The following PCDH9 variants were observed in gnomAD, a reference collection of about 807,000 sequenced individuals.
PCDH9 encodes the protein protocadherin 9, also known as protocadherin-9.
PCDH9 carries 24 observed loss-of-function variants against 70.6 expected under a neutral mutation model. The ratio of observed to expected loss-of-function variants is 0.34; its 90% CI spans 0.25 to 0.48. PCDH9 has a LOEUF of 0.48. Among genes scored for constraint, PCDH9 ranks in the 20% least tolerant of loss-of-function variants. The probability of loss-of-function intolerance (pLI) is 0.99; values close to 1 mark genes in which losing one functional copy is unlikely to be tolerated. For synonymous variants in PCDH9, 562 were observed against 558.5 expected, an observed-to-expected ratio of 1.01 and a Z score of -0.09; for missense variants, 1,281 against 1,503.6, an observed-to-expected ratio of 0.85 and a Z score of 2.45.
intron 4 of PCDH9, among the ~76,000 whole-genome samples, chr13:66,342,794 T>TTTATTTA (rs1320773787): frequency 3.6e-4 from 4 of 11,258 alleles, no homozygotes; most frequent in Admixed American, 1.1e-3. Context: ...TATTTATTTA[T>TTTATTTA]TGTATTTATT....
intron 2 of PCDH9, among the ~76,000 whole-genome samples, chr13:67,016,119 G>C (rs17082029): frequency 0.045 from 6,869 of 152,156 alleles, 277 homozygotes; most frequent in African/African-American, 0.11. Flanking sequence ...TTAAAAGTTA[G>C]AGCCTGCCTT....
intron 4 of PCDH9, among the ~76,000 whole-genome samples, chr13:66,363,602 T>G (rs1187066074): frequency 6.6e-6 from 1 of 152,200 alleles, no homozygotes; most frequent in Non-Finnish European, 1.5e-5. Context: ...TCCATCATTT[T>G]TGCTTATTTT....
chr13:66,975,232 T>C (rs575984533), intron 2 of PCDH9, among the ~76,000 whole-genome samples: 123 of 152,114 alleles, frequency 8.1e-4, no homozygotes, highest in African/African-American at 2.8e-3. Flanking sequence ...TAGTGAATTA[T>C]AACAATCAGA....
intron 3 of PCDH9, among the ~76,000 whole-genome samples, chr13:66,895,736 G>A (rs1489773115): frequency 1.3e-5 from 2 of 152,190 alleles, no homozygotes; most frequent in African/African-American, 4.8e-5. Flanking sequence ...ATCATTTCAT[G>A]TGTGGGTTCC....
chr13:66,843,963 A>G (rs771979600), intron 3 of PCDH9, among the ~76,000 whole-genome samples: 7 of 152,130 alleles, frequency 4.6e-5, no homozygotes, highest in Non-Finnish European at 1.0e-4. Context: ...GCATGATGGA[A>G]CGAGTAGACC....
At chr13:67,107,949 G>T (rs548281496) in intron 2 of PCDH9, among the ~76,000 whole-genome samples, 29 of 152,256 alleles carry the variant, frequency 1.9e-4, no homozygotes, top group African/African-American at 6.5e-4. Context: ...CTAGATGTGG[G>T]TGCCCACATC....
intron 3 of PCDH9, among the ~76,000 whole-genome samples, chr13:66,822,057 T>A (rs1010663371): frequency 4.6e-5 from 7 of 152,044 alleles, no homozygotes; most frequent in Non-Finnish European, 7.4e-5. Flanking sequence ...CACATCAGCA[T>A]GATTCAGCTC....
chr13:66,849,501 T>TAGAGAGAG (rs1276440716), intron 3 of PCDH9, among the ~76,000 whole-genome samples: 3 of 82,692 alleles, frequency 3.6e-5, no homozygotes, highest in African/African-American at 5.1e-5. Context: ...TATATATATA[T>TAGAGAGAG]ATATATATAT....
intron 4 of PCDH9, among the ~76,000 whole-genome samples, chr13:66,552,844 G>A (rs142375346): frequency 0.023 from 3,453 of 152,212 alleles, 130 homozygotes; most frequent in African/African-American, 0.078. Context: ...AAGGAAAGAG[G>A]TTTAATTGAC....
At chr13:66,535,316 T>A (rs1230845384) in intron 4 of PCDH9, among the ~76,000 whole-genome samples, 1 of 152,096 alleles carries the variant, frequency 6.6e-6, no homozygotes, top group East Asian at 1.9e-4. Flanking sequence ...AGGAATAAAA[T>A]GTTCTCTTTT....
chr13:66,907,873 C>A (rs1475802179), intron 2 of PCDH9, among the ~76,000 whole-genome samples: 1 of 152,070 alleles, frequency 6.6e-6, no homozygotes. Flanking sequence ...AGAAGTTTTG[C>A]AGTCATTATA....
intron 3 of PCDH9, among the ~76,000 whole-genome samples, chr13:66,648,676 A>T (rs1177042694): frequency 6.6e-6 from 1 of 152,162 alleles, no homozygotes; most frequent in Non-Finnish European, 1.5e-5. Context: ...ACCAACAAAC[A>T]TTCTCAAGTA....
At chr13:67,034,723 CT>C (rs1320300249) in intron 2 of PCDH9, among the ~76,000 whole-genome samples, 3 of 133,504 alleles carry the variant, frequency 2.2e-5, no homozygotes, top group Admixed American at 1.5e-4. Flanking sequence ...CAGGTTTGTT[CT>C]TTAAATAAAT....
chr13:67,043,585 G>C (rs2085165045), intron 2 of PCDH9, among the ~76,000 whole-genome samples: 2 of 152,232 alleles, frequency 1.3e-5, no homozygotes. Flanking sequence ...ATAAGCAATA[G>C]CTGAAATTAT....
intron 4 of PCDH9, among the ~76,000 whole-genome samples, chr13:66,544,507 G>C (rs372442180): frequency 6.6e-6 from 1 of 152,192 alleles, no homozygotes; most frequent in Non-Finnish European, 1.5e-5. Context: ...ATTCAAGAAA[G>C]AGCCAGTGGT....
intron 4 of PCDH9, among the ~76,000 whole-genome samples, chr13:66,550,766 G>A (rs972641160): frequency 6.6e-6 from 1 of 152,118 alleles, no homozygotes; most frequent in African/African-American, 2.4e-5. Context: ...ATACAGATTT[G>A]TGGGAAGGAA....
chr13:66,418,636 T>G (rs1345660234), intron 4 of PCDH9, among the ~76,000 whole-genome samples: 1 of 151,700 alleles, frequency 6.6e-6, no homozygotes. Context: ...CCAGAGAAAG[T>G]GGGAAAGATC....
intron 2 of PCDH9, chr13:67,218,521 T>C (rs2089656744): frequency 6.6e-6 from 1 of 152,036 alleles, no homozygotes; most frequent in Non-Finnish European, 1.5e-5. Flanking sequence ...GCTAACAGGC[T>C]GAAAAAGGCC....
chr13:66,394,128 G>A (rs1468373675), intron 4 of PCDH9, among the ~76,000 whole-genome samples: 1 of 152,160 alleles, frequency 6.6e-6, no homozygotes, highest in African/African-American at 2.4e-5. Context: ...CTGTGATTAT[G>A]TAGACAGAAT....
Sources: allele counts gnomAD v4.1 joint callset (sites outside exome capture counted in the v4.1 genomes callset), GRCh38; gene constraint gnomAD v4.1.1; transcripts MANE v1.5; gene names NCBI Gene and HGNC (gene_info 2026-07-23, HGNC 2026-07-21).